Variants in SH2B2 observed in about 807,000 individuals in gnomAD.
SH2B2 encodes the protein SH2B adaptor protein 2, also known as SH2B adapter protein 2.
Under a neutral mutation model 35.7 loss-of-function variants are expected in SH2B2, and 37 were observed. That is an observed-to-expected ratio of 1.04 (90% CI 0.80 to 1.36). The LOEUF (loss-of-function observed/expected upper bound fraction) is 1.36. Ranked by LOEUF, SH2B2 falls within the 40% of genes most tolerant of loss-of-function variation. The pLI is 0.00. For synonymous variants in SH2B2, 383 were observed against 376.4 expected, an observed-to-expected ratio of 1.02 and a Z score of -0.20; for missense variants, 852 against 817.7, an observed-to-expected ratio of 1.04 and a Z score of -0.51.
chr7:102,286,820 C>T (rs1349230832), upstream of SH2B2: 8 of 1,188 alleles, frequency 6.7e-3, no homozygotes, highest in Admixed American at 0.059. Flanking sequence ...GCGGCGGGGG[C>T]GGGGGCGGGG....
In SH2B2 at chr7:102,313,130, T is replaced by TAA. The variant is rs1206179173; in HGVS notation, c.924-1186_924-1185dup. Among the ~76,000 whole-genome samples the TAA allele has an allele frequency of 1.6e-4, 15 of 94,882 alleles. 1 individual carries two copies. The highest frequency in any genetic ancestry group is 3.0e-4 in the African/African-American group (7 of 23,384). The allele number at this position is 94,882 out of a possible 152,430, so 62.2% of individuals were successfully genotyped here. ...TGGGCAACAAGAGCAAAACTCTGTC[T>TAA]AAAAAAAAAAAAAAAAAAAAAGACG... On this transcript the variant is annotated intron_variant, in intron 4 of 8. Coordinates refer to ENST00000444095, the MANE Select transcript of SH2B2 (RefSeq NM_001359228.2).
At chr7:102,291,258 TCAG>T (rs1554551741) in intron 1 of SH2B2, among the ~76,000 whole-genome samples, 1 of 152,112 alleles carries the variant, frequency 6.6e-6, no homozygotes, top group Non-Finnish European at 1.5e-5. Context: ...GCCGGGGGGC[TCAG>T]CAGAAGGGCT....
At chr7:102,318,094 T>C (rs1554557461) in intron 7 of SH2B2, among the ~76,000 whole-genome samples, 1 of 152,066 alleles carries the variant, frequency 6.6e-6, no homozygotes, top group Non-Finnish European at 1.5e-5. Flanking sequence ...GCGGTGTGCT[T>C]TCAAGGAAGA....
chr7:102,319,705 A>G (rs1313263175), intron 7 of SH2B2, among the ~76,000 whole-genome samples: 1 of 152,128 alleles, frequency 6.6e-6, no homozygotes, highest in African/African-American at 2.4e-5. Flanking sequence ...ATAGGGCTTA[A>G]GTCAGAGACC....
chr7:102,317,496 G>A, intron 7 of SH2B2, 101 bp downstream of exon 7: 2 of 1,153,142 alleles, frequency 1.7e-6, no homozygotes, highest in South Asian at 1.7e-5. Context: ...AGCAGCTGCA[G>A]GCGAACAGGT....
At chr7:102,296,882 G>T (rs1792938732) in intron 1 of SH2B2, among the ~76,000 whole-genome samples, 1 of 152,166 alleles carries the variant, frequency 6.6e-6, no homozygotes, top group South Asian at 2.1e-4. Flanking sequence ...GGAAGGCTGA[G>T]GCGGGAGGAT....
chr7:102,315,047 G>T (rs1421037427), intron 6 of SH2B2, among the ~76,000 whole-genome samples: 4 of 151,988 alleles, frequency 2.6e-5, no homozygotes, highest in Non-Finnish European at 2.9e-5. Context: ...AAATTAGCTG[G>T]GTGTGGTGGT....
At chr7:102,296,116 C>A (rs782056420) in intron 1 of SH2B2, among the ~76,000 whole-genome samples, 1 of 152,192 alleles carries the variant, frequency 6.6e-6, no homozygotes, top group Non-Finnish European at 1.5e-5. Flanking sequence ...CAGGCTCAGC[C>A]GGGAGCCCTG....
chr7:102,311,685 G>A (rs1365328295), intron 4 of SH2B2, among the ~76,000 whole-genome samples: 2 of 151,432 alleles, frequency 1.3e-5, no homozygotes, highest in Non-Finnish European at 2.9e-5. Context: ...ACAGGCATGA[G>A]CCACAGTGCT....
rs71123035 is a variant in SH2B2 at position 102,299,197 on chromosome 7, C to CTTTTT, written c.-29-1310_-29-1306dup. ...TACAGGCATGAGCCACCGCGCCTGGCTTTTTTTTTTTTTTTTTTTGAGGTG... is the reference window on the plus strand; with the variant it reads ...TACAGGCATGAGCCACCGCGCCTGGCTTTTTTTTTTTTTTTTTTTTTTTTGAGGTG... On this transcript the variant is annotated intron_variant, in intron 1 of 8. Coordinates refer to ENST00000444095, the MANE Select transcript of SH2B2 (RefSeq NM_001359228.2). 1.4e-3 allele frequency among the ~76,000 whole-genome samples: 34 copies of CTTTTT among 24,628 alleles called. 4 individuals carry two copies. The highest frequency in any genetic ancestry group is 3.6e-3 in the South Asian group (2 of 550). 16.2% of individuals were successfully genotyped at this position (24,628 alleles called of 152,430 possible).
intron 7 of SH2B2, among the ~76,000 whole-genome samples, chr7:102,318,853 C>T (rs1053654501): frequency 9.9e-5 from 15 of 152,212 alleles, no homozygotes; most frequent in African/African-American, 3.1e-4. Context: ...TCCCTGGTGA[C>T]GTGCAATTTA....
chr7:102,315,593 G>A (rs1419679813), intron 6 of SH2B2, among the ~76,000 whole-genome samples: 5 of 151,672 alleles, frequency 3.3e-5, no homozygotes, highest in Admixed American at 6.6e-5. Context: ...GAGCCACCAC[G>A]CCTGGCCACA....
chr7:102,304,033 C>A (rs1793299202), intron 2 of SH2B2, among the ~76,000 whole-genome samples: 1 of 152,122 alleles, frequency 6.6e-6, no homozygotes. Context: ...GCAGCTCCTA[C>A]CATGCTAAGA....
chr7:102,307,217 G>A (rs803090), intron 3 of SH2B2, among the ~76,000 whole-genome samples: 37,134 of 152,130 alleles, frequency 0.24, 5,408 homozygotes, highest in East Asian at 0.34. Context: ...GGAACTGGGC[G>A]GTCTCCCACA....
chr7:102,310,979 G>C (rs920624684), intron 4 of SH2B2, among the ~76,000 whole-genome samples: 1 of 152,200 alleles, frequency 6.6e-6, no homozygotes, highest in African/African-American at 2.4e-5. Flanking sequence ...AGTGGTATCC[G>C]GGCCAAGAGA....
intron 4 of SH2B2, 57 bp downstream of exon 4, chr7:102,308,963 G>A: frequency 7.3e-7 from 1 of 1,365,408 alleles, no homozygotes; most frequent in East Asian, 2.3e-5. Context: ...CCTTGGTCCA[G>A]CCTTCACCAG....
intron 1 of SH2B2, among the ~76,000 whole-genome samples, chr7:102,298,339 G>A (rs1416143763): frequency 1.3e-5 from 2 of 152,276 alleles, no homozygotes; most frequent in South Asian, 2.1e-4. Context: ...ATAGCTCACT[G>A]CAGCCTCCAA....
intron 4 of SH2B2, chr7:102,309,193 G>A: frequency 1.8e-6 from 1 of 556,960 alleles, no homozygotes; most frequent in Middle Eastern, 2.7e-4. Flanking sequence ...AGCACTGGGA[G>A]TTGGGCAGAG....
upstream of SH2B2, among the ~76,000 whole-genome samples, chr7:102,286,516 G>A (rs970478789): frequency 3.3e-3 from 499 of 152,212 alleles, 6 homozygotes; most frequent in African/African-American, 0.011. Context: ...CCACCACCGC[G>A]GGCTCGAGGG....
Sources: allele counts gnomAD v4.1 joint callset (sites outside exome capture counted in the v4.1 genomes callset), GRCh38; gene constraint gnomAD v4.1.1; transcripts MANE v1.5; gene names NCBI Gene and HGNC (gene_info 2026-07-23, HGNC 2026-07-21).